The following SYBU variants were observed in gnomAD, a reference collection of about 807,000 sequenced individuals.
SYBU encodes GOLSYN A protein.
A neutral mutation model predicts 35.9 loss-of-function variants in SYBU; 21 were observed. That is an observed-to-expected ratio of 0.58 (90% confidence interval 0.41 to 0.84). SYBU has a LOEUF of 0.84. Among genes scored for constraint, SYBU ranks in the 40% least tolerant of loss-of-function variants. SYBU has a pLI of 0.00. For synonymous variants in SYBU, 319 were observed against 324.3 expected, an observed-to-expected ratio of 0.98 and a Z score of 0.18; for missense variants, 768 against 848.2, an observed-to-expected ratio of 0.91 and a Z score of 1.17.
At position 109,644,716 on chromosome 8, in the gene SYBU, C is replaced by T; in HGVS notation, c.-57G>A. 3 of 1,459,622 alleles carry T rather than the reference C, an allele frequency of 2.1e-6. No homozygotes were observed. Among genetic ancestry groups the T allele is most frequent in the Non-Finnish European group, 2.7e-6 (3 of 1,114,098 alleles). 90.4% of individuals were successfully genotyped at this position (1,459,622 alleles called of 1,614,324 possible). A position where few individuals can be genotyped will look rare whatever the true frequency, so the allele number is the denominator to read the frequency against. ...CGCTGCCGCCGTCCAGGAGGAGGCA[C>T]CTGCGAGCACGGAGCGAGGAGACTG... On this transcript the variant is annotated 5_prime_UTR_variant, in exon 1 of 7. It adds an upstream start codon to the 5' untranslated region. Transcript: ENST00000276646.
Position 109,644,764 on chromosome 8 carries a change from G to A in SYBU, c.-105C>T. On this transcript the variant is annotated 5_prime_UTR_variant, in exon 1 of 7. Coordinates refer to ENST00000276646, the MANE Select transcript of SYBU (RefSeq NM_001099754.2). ...CTGCGCTGAGCCGGCGCGGGCTGCG[G>A]GCGGCGGCTCTTGGTGAGGCTCCAA... 1.7e-6 allele frequency: 2 copies of A among 1,167,276 alleles called. No homozygotes were observed. Among genetic ancestry groups the A allele is most frequent in the East Asian group, 3.3e-5 (1 of 30,528 alleles). 72.3% of individuals were successfully genotyped at this position (1,167,276 alleles called of 1,614,324 possible).
intron 4 of SYBU, 91 bp downstream of exon 4, chr8:109,585,969 G>A (rs2236628): frequency 0.2 from 158,966 of 792,384 alleles, 17,371 homozygotes; most frequent in East Asian, 0.33. Flanking sequence ...AATATGAACG[G>A]ACAGTAATCC....
At chr8:109,630,100 A>G (rs1377522533) in intron 2 of SYBU, among the ~76,000 whole-genome samples, 1 of 151,958 alleles carries the variant, frequency 6.6e-6, no homozygotes, top group Non-Finnish European at 1.5e-5. Context: ...GCCATAAAAA[A>G]TGATGAGTTC....
At chr8:109,630,058 T>C (rs1586884100) in intron 2 of SYBU, among the ~76,000 whole-genome samples, 1 of 151,662 alleles carries the variant, frequency 6.6e-6, no homozygotes, top group Non-Finnish European at 1.5e-5. Context: ...ATTAAGAAAA[T>C]GTGGCACATA....
At chr8:109,676,612 G>T (rs975249289) in intron 1 of SYBU, among the ~76,000 whole-genome samples, 1 of 152,184 alleles carries the variant, frequency 6.6e-6, no homozygotes, top group African/African-American at 2.4e-5. Flanking sequence ...AAGCAACTTG[G>T]AATCCAGGGT....
intron 2 of SYBU, among the ~76,000 whole-genome samples, chr8:109,637,806 C>A (rs1814395826): frequency 6.6e-6 from 1 of 152,170 alleles, no homozygotes; most frequent in Non-Finnish European, 1.5e-5. Context: ...CTCAACAGGG[C>A]ACCAGTCAGG....
At chr8:109,680,551 C>T (rs1817368174) in intron 1 of SYBU, among the ~76,000 whole-genome samples, 1 of 55,408 alleles carries the variant, frequency 1.8e-5, no homozygotes, top group Non-Finnish European at 3.2e-5. Flanking sequence ...CCGATCATTT[C>T]TAACTCCAAA....
At chr8:109,630,011 C>T (rs112737674) in intron 2 of SYBU, among the ~76,000 whole-genome samples, 9,843 of 151,758 alleles carry the variant, frequency 0.065, 546 homozygotes, top group African/African-American at 0.15. Flanking sequence ...TTTCTTGTAA[C>T]TTGAACCAAC....
At chr8:109,640,359 TG>T (rs199599354) in intron 2 of SYBU, among the ~76,000 whole-genome samples, 2,700 of 152,102 alleles carry the variant, frequency 0.018, 60 homozygotes, top group African/African-American at 0.052. Flanking sequence ...TCCTTTTTTT[TG>T]TTGTTGTTTT....
upstream of SYBU, among the ~76,000 whole-genome samples, chr8:109,681,331 A>G (rs1046338358): frequency 6.6e-6 from 1 of 152,228 alleles, no homozygotes; most frequent in Non-Finnish European, 1.5e-5. Context: ...GTATAATGGG[A>G]TGAAAAATAA....
At chr8:109,668,890 TATTTA>T (rs1816864253) in intron 1 of SYBU, among the ~76,000 whole-genome samples, 1 of 152,218 alleles carries the variant, frequency 6.6e-6, no homozygotes, top group African/African-American at 2.4e-5. Flanking sequence ...TGAACACAAG[TATTTA>T]ATTCAATCAT....
rs763790437 is a variant in SYBU, at chr8:109,574,940, G to A, written c.1958C>T (p.Ser653Leu). 3.3e-6 allele frequency: 5 copies of A among 1,516,654 alleles called. No individual in the cohort carries two copies. The highest frequency in any genetic ancestry group is 4.5e-5 in the Admixed American group (2 of 44,272). 93.9% of individuals were successfully genotyped at this position (1,516,654 alleles called of 1,614,324 possible). Residue 653 changes from serine to leucine, a missense_variant, in exon 7 of 7, where the codon TCG becomes TTG. Physicochemically the swap from Ser to Leu is moderately radical, Grantham distance 145 (BLOSUM62 -2). Coordinates refer to ENST00000276646, the MANE Select transcript of SYBU (RefSeq NM_001099754.2). ...GATACGGAAGGCGGTGCGGCGGAGC[G>A]AATGCAGGGCAACCACGCAACAGCC... ...LRGCCVVALH[S>L]LRRTAFRIKT
At chr8:109,619,174 C>A in intron 2 of SYBU, 135 bp from the exon 3 acceptor site, 1 of 650,606 alleles carries the variant, frequency 1.5e-6, no homozygotes, top group East Asian at 2.7e-5. Flanking sequence ...AGGTTAACTG[C>A]TGTGGACTCT....
chr8:109,691,416 G>T lies in SYBU; in HGVS notation c.-141C>A. ...CGGGAGACCGGGCCCCGGCTGGGCCGGGTGCCGGTGCGGACGGGACCCCGC... is the reference window on the plus strand; with the variant it reads ...CGGGAGACCGGGCCCCGGCTGGGCCTGGTGCCGGTGCGGACGGGACCCCGC... On this transcript the variant is annotated 5_prime_UTR_variant, in exon 1 of 8. Coordinates refer to the SYBU transcript ENST00000422135. The surrounding 1 kb of genome is among the most constrained non-coding windows in gnomAD (Gnocchi z 4.7). 1 of 685,684 alleles carries T rather than the reference G, an allele frequency of 1.5e-6. No homozygotes were observed. The highest frequency in any genetic ancestry group is 2.1e-5 in the Admixed American group (1 of 48,312). The allele number at this position is 685,684 out of a possible 1,614,324, so 42.5% of individuals were successfully genotyped here.
At chr8:109,629,657 C>T (rs552556903) in intron 2 of SYBU, among the ~76,000 whole-genome samples, 1 of 151,948 alleles carries the variant, frequency 6.6e-6, no homozygotes, top group Admixed American at 6.6e-5. Flanking sequence ...TGGGTATATA[C>T]CCAGTAATGG....
At chr8:109,583,786 T>C (rs968206423) in intron 4 of SYBU, among the ~76,000 whole-genome samples, 1 of 152,188 alleles carries the variant, frequency 6.6e-6, no homozygotes, top group Admixed American at 6.5e-5. Flanking sequence ...GATGGTACTC[T>C]GTGCCTGGGT....
intron 2 of SYBU, among the ~76,000 whole-genome samples, chr8:109,642,268 G>A (rs1814975057): frequency 6.6e-6 from 1 of 151,644 alleles, no homozygotes; most frequent in Non-Finnish European, 1.5e-5. Context: ...GACACAGGGA[G>A]GGGAACATCA....
At chr8:109,649,886 TTGACA>T (rs1465292972) in intron 1 of SYBU, among the ~76,000 whole-genome samples, 7 of 152,232 alleles carry the variant, frequency 4.6e-5, no homozygotes, top group Non-Finnish European at 1.5e-5. Context: ...AAACTGAGAC[TTGACA>T]TTTACCTAGT....
At position 109,577,951 on chromosome 8, in the gene SYBU, A is replaced by G; in HGVS notation, c.801T>C (p.Tyr267=). ...HGVRPPNPEQ[Y]LTPLQQKEVT... ...CCTCTTTCTGCTGCAGTGGAGTCAAATACTGCTCTGGGTTTGGGGGTCTGA... is the reference window on the plus strand; with the variant it reads ...CCTCTTTCTGCTGCAGTGGAGTCAAGTACTGCTCTGGGTTTGGGGGTCTGA... The change falls in exon 6 of 7, where the codon TAT becomes TAC. Residue 267 remains tyrosine, a synonymous_variant. Transcript: ENST00000276646. 1 of 1,613,972 alleles carries G rather than the reference A, an allele frequency of 6.2e-7. No individual in the cohort carries two copies.
Sources: gnomAD v4.1 joint callset for allele counts (sites outside exome capture counted in the v4.1 genomes callset) on GRCh38, gnomAD v4.1.1 for gene constraint, Gnocchi (gnomAD v3.1) non-coding constraint, MANE v1.5 for transcripts, NCBI Gene and HGNC (gene_info 2026-07-23, HGNC 2026-07-21) for gene names.